The following WDR18 variants were observed in gnomAD, a reference collection of about 807,000 sequenced individuals.
WDR18 encodes the protein WD repeat domain 18.
Under a neutral mutation model 49.6 loss-of-function variants are expected in WDR18, and 33 were observed. That is an observed-to-expected ratio of 0.67 (90% CI 0.50 to 0.89). The LOEUF (loss-of-function observed/expected upper bound fraction) is 0.89. Among genes scored for constraint, WDR18 ranks in the 40% least tolerant of loss-of-function variants. WDR18 has a pLI of 0.00. For synonymous variants in WDR18, 315 were observed against 263.6 expected (o/e 1.19, Z -1.89); for missense variants, 653 against 593.6 (o/e 1.10, Z -1.04).
upstream of WDR18, chr19:984,280 G>A (rs1406880203): frequency 2.9e-6 from 4 of 1,386,512 alleles, no homozygotes; most frequent in Non-Finnish European, 3.8e-6. Flanking sequence ...CGGGGCCGCC[G>A]CTCTGGCCCG....
Position 994,401 on chromosome 19 carries a change from C to T in WDR18, c.*57C>T. ...CCTGAGCCCCATGCCTCCCAGCAAC[C>T]AGGGCCCGCGGGTGTGGCCCCCACC... On this transcript the variant is annotated 3_prime_UTR_variant, in exon 10 of 10. Transcript: ENST00000585809. 7 of 1,552,118 alleles carry T rather than the reference C, an allele frequency of 4.5e-6. No individual in the cohort carries two copies. The South Asian group carries it at 4.7e-5, about 10-fold the overall frequency.
intron 8 of WDR18, among the ~76,000 whole-genome samples, chr19:993,288 G>T (rs1263211649): frequency 6.6e-6 from 1 of 152,240 alleles, no homozygotes; most frequent in Admixed American, 6.5e-5. Context: ...GGCAGCAGCG[G>T]TTCCCACGAT....
chr19:986,038 C>G, intron 2 of WDR18, 63 bp downstream of exon 2: 1 of 1,499,302 alleles, frequency 6.7e-7, no homozygotes, highest in Non-Finnish European at 9.3e-7. Context: ...GCTTTGCCTG[C>G]AGGGCACCAG....
chr19:989,966 G>A, intron 3 of WDR18, 71 bp downstream of exon 3: 2 of 1,527,224 alleles, frequency 1.3e-6, no homozygotes, highest in Middle Eastern at 1.9e-4. Flanking sequence ...GAGGCGCCAA[G>A]GCCCCTGGCG....
intron 2 of WDR18, among the ~76,000 whole-genome samples, chr19:986,313 C>T (rs1255092536): frequency 1.8e-4 from 28 of 152,280 alleles, no homozygotes; most frequent in Admixed American, 1.2e-3. Context: ...TTATAAAGGG[C>T]GGCCGGGCGC....
chr19:989,201 C>CA (rs34653671), intron 2 of WDR18, among the ~76,000 whole-genome samples: 2 of 144,866 alleles, frequency 1.4e-5, no homozygotes, highest in Admixed American at 6.8e-5. Flanking sequence ...CAACCCCCCC[C>CA]AGAGCATCTC....
In WDR18 at chr19:991,258, G is replaced by A; in HGVS notation, c.838G>A (p.Asp280Asn). ...NQVTCLSVST[D>N]GSVLLSGSHD... is the part of the protein sequence containing the mutation. ...GGTGACTTGCCTGTCAGTGTCCACT[G>A]ACGGCAGCGTGCTGCTCTCAGGCTC... is the stretch of plus-strand genomic sequence containing the variant. Residue 280 changes from aspartate (D) to asparagine (N), a missense_variant, in exon 7 of 10, where the codon GAC (aspartate) becomes AAC (asparagine). Transcript: ENST00000585809. 5 of 1,574,086 alleles carry A rather than the reference G, an allele frequency of 3.2e-6. No homozygotes were observed. Among genetic ancestry groups the A allele is most frequent in the Non-Finnish European group, 3.5e-6 (4 of 1,158,460 alleles).
intron 2 of WDR18, among the ~76,000 whole-genome samples, chr19:987,558 C>T (rs2038487501): frequency 6.6e-6 from 1 of 151,810 alleles, no homozygotes; most frequent in South Asian, 2.1e-4. Context: ...GATCCCAAGG[C>T]TTTTACATCT....
chr19:989,982 G>T lies in WDR18; in HGVS notation c.455+87G>T. 2.0e-6 allele frequency: 3 copies of T among 1,516,218 alleles called. 1 individual carries two copies. Among genetic ancestry groups the T allele is most frequent in the Non-Finnish European group, 2.6e-6 (3 of 1,139,438 alleles). 93.9% of individuals were successfully genotyped at this position (1,516,218 alleles called of 1,614,324 possible). ...AGGCGCCAAGGCCCCTGGCGGGAAGGGGCTTCTCTCTTGGGGGCTGGAGTG... is the reference window on the plus strand; with the variant it reads ...AGGCGCCAAGGCCCCTGGCGGGAAGTGGCTTCTCTCTTGGGGGCTGGAGTG... On this transcript the variant is annotated intron_variant, in intron 3 of 9. Transcript: ENST00000585809.
At chr19:989,639 C>T in intron 2 of WDR18, 123 bp from the exon 3 acceptor site, 2 of 1,395,196 alleles carry the variant, frequency 1.4e-6, no homozygotes, top group South Asian at 1.3e-5. Flanking sequence ...AGTCCTGGGG[C>T]AGGGCAGGCA....
At chr19:984,306 C>G (rs774283230), upstream of WDR18, 3 of 1,507,954 alleles carry the variant, frequency 2.0e-6, no homozygotes, top group African/African-American at 2.9e-5. Flanking sequence ...GGCAGTCGTC[C>G]GCGTCTCGCT....
upstream of WDR18, chr19:984,156 C>T (rs2038447098): frequency 5.1e-6 from 3 of 587,396 alleles, no homozygotes; most frequent in Non-Finnish European, 8.4e-6. Flanking sequence ...CCCCAGATCT[C>T]TAAGCAGGCC....
rs570208771 is a variant in WDR18 at position 994,503 on chromosome 19, G to A, written c.*159G>A. 2.8e-5 allele frequency: 29 copies of A among 1,038,042 alleles called. No individual in the cohort carries two copies. Among genetic ancestry groups the A allele is most frequent in the South Asian group, 2.0e-4 (12 of 59,884 alleles). 64.3% of individuals were successfully genotyped at this position (1,038,042 alleles called of 1,614,324 possible). A position where few individuals can be genotyped will look rare whatever the true frequency, so the allele number is the denominator to read the frequency against. ...TGTGACTGGGCCGTCTTGGTGTCTC[G>A]TGGCACGCGTCACAGTGGTGCTAGT... On this transcript the variant is annotated 3_prime_UTR_variant, in exon 10 of 10. Coordinates refer to ENST00000585809, the MANE Select transcript of WDR18 (RefSeq NM_024100.4).
chr19:992,018 C>T lies in WDR18; in HGVS notation c.995C>T (p.Pro332Leu), dbSNP rs1349660230. ...AGCATGCTGAGCTCAGACTTCAGGC[C>T]CAGCCTGCCGCTGCCCCACTTCAAC... ...PVSMLSSDFRPSLPLPHFNKH... is the reference protein window; with the variant it reads ...PVSMLSSDFRLSLPLPHFNKH... The change falls in exon 8 of 10, where the codon CCC becomes CTC. Residue 332 changes from proline to leucine, a missense_variant. By Grantham distance (98) the Pro-to-Leu change is moderately conservative (BLOSUM62 -3). Transcript: ENST00000585809. 1.3e-6 allele frequency: 2 copies of T among 1,595,634 alleles called. No homozygotes were observed. The highest frequency in any genetic ancestry group is 1.7e-6 in the Non-Finnish European group (2 of 1,175,082).
At position 994,316 on chromosome 19, in the gene WDR18, C is replaced by T. The variant is rs1325268393; in HGVS notation, c.1271C>T (p.Thr424Met). The T allele has an allele frequency of 3.1e-6, 5 of 1,610,736 alleles. No homozygotes were observed. Among genetic ancestry groups the T allele is most frequent in the Non-Finnish European group, 4.2e-6 (5 of 1,179,218 alleles). The change falls in exon 10 of 10, where the codon ACG becomes ATG. Residue 424 changes from threonine to methionine, a missense_variant. Physicochemically the swap from Thr to Met is moderately conservative, Grantham distance 81. Coordinates refer to ENST00000585809, the MANE Select transcript of WDR18 (RefSeq NM_024100.4). ...AATCGGGACCTGTTCGACTTCTCCA[C>T]GCGCTTCATCACGCGGCCGGCCAAG... ...KINRDLFDFS[T>M]RFITRPAK
chr19:989,706 CCTTTCCTCCCCTGGGG>C (rs2038519024), intron 2 of WDR18, 40 bp from the exon 3 acceptor site: 9 of 1,602,130 alleles, frequency 5.6e-6, no homozygotes, highest in African/African-American at 2.7e-5. Context: ...CTGCAGCCCC[CCTTTCCTCCCCTGGGG>C]CTTTCCTCCC....
chr19:984,192 C>G (rs1027603075), upstream of WDR18: 17 of 764,608 alleles, frequency 2.2e-5, no homozygotes, highest in South Asian at 3.5e-4. Flanking sequence ...CTCAGGTAAG[C>G]GGGAAATCCC....
chr19:991,836 C>T (rs1346427891), intron 7 of WDR18, 119 bp from the exon 8 acceptor site: 1 of 1,059,288 alleles, frequency 9.4e-7, no homozygotes, highest in Non-Finnish European at 1.2e-6. Context: ...GGGGCGTGGA[C>T]TGGCTGTGGG....
chr19:984,708 C>T (rs1030949633), intron 1 of WDR18, 145 bp downstream of exon 1: 15 of 925,082 alleles, frequency 1.6e-5, no homozygotes, highest in African/African-American at 3.6e-5. Flanking sequence ...TGCGCATGCG[C>T]GGGTCTGGGG....
Sources: allele counts gnomAD v4.1 joint callset (sites outside exome capture counted in the v4.1 genomes callset), GRCh38; gene constraint gnomAD v4.1.1; transcripts MANE v1.5; gene names NCBI Gene and HGNC (gene_info 2026-07-23, HGNC 2026-07-21).